CREBBP: variants seen among roughly 807,000 people sequenced by gnomAD.
CREBBP encodes CREB-binding protein.
Under a neutral mutation model 265.0 loss-of-function variants are expected in CREBBP, and 19 were observed. The observed-to-expected ratio is 0.07, with a 90% CI of 0.05 to 0.11. The LOEUF (loss-of-function observed/expected upper bound fraction) is 0.11. Among genes scored for constraint, CREBBP ranks in the 10% least tolerant of loss-of-function variants. The pLI is 1.00. For synonymous variants in CREBBP, 1,457 were observed against 1,223.7 expected (o/e 1.19, Z -3.98); for missense variants, 2,525 against 3,219.0 (o/e 0.78, Z 5.22).
chr16:3,874,166 C>T (rs1041587249), intron 1 of CREBBP, among the ~76,000 whole-genome samples: 3 of 152,142 alleles, frequency 2.0e-5, no homozygotes, highest in Non-Finnish European at 4.4e-5. Flanking sequence ...CTGATAAATT[C>T]GTCTGATTTT....
chr16:3,847,183 G>A (rs1004347819), intron 2 of CREBBP, among the ~76,000 whole-genome samples: 3 of 152,052 alleles, frequency 2.0e-5, no homozygotes, highest in Non-Finnish European at 2.9e-5. Context: ...GCCATCTAAG[G>A]TACACTGCCA....
chr16:3,731,620 G>T lies in CREBBP; in HGVS notation c.4891-147C>A. 2 of 1,399,052 alleles carry T rather than the reference G, an allele frequency of 1.4e-6. No individual in the cohort carries two copies. Among genetic ancestry groups the T allele is most frequent in the South Asian group, 1.2e-5 (1 of 85,636 alleles). 86.7% of individuals were successfully genotyped at this position (1,399,052 alleles called of 1,614,324 possible). ...TGCCTTGGGATGGAACAAAATTGGT[G>T]ACACGTTGCATGATGTCACCCAACT... On this transcript the variant is annotated intron_variant, in intron 29 of 30. Transcript: ENST00000262367. The surrounding 1 kb of genome is among the most constrained non-coding windows in gnomAD (Gnocchi z 7.7).
At chr16:3,818,299 TTTTC>T (rs1273125047) in intron 2 of CREBBP, among the ~76,000 whole-genome samples, 16 of 142,094 alleles carry the variant, frequency 1.1e-4, no homozygotes, top group Admixed American at 4.3e-4. Context: ...TTAGGTTTTC[TTTTC>T]TTTTTTTTTT....
At chr16:3,837,714 G>C (rs1413539970) in intron 2 of CREBBP, among the ~76,000 whole-genome samples, 1 of 151,802 alleles carries the variant, frequency 6.6e-6, no homozygotes, top group South Asian at 2.1e-4. Flanking sequence ...CCTGTACAAT[G>C]TGTTTAGTGT....
intron 26 of CREBBP, 60 bp from the exon 27 acceptor site, chr16:3,736,875 A>G (rs2151330535): frequency 6.2e-7 from 1 of 1,600,172 alleles, no homozygotes; most frequent in Admixed American, 1.7e-5. Flanking sequence ...CCTGCCTTTA[A>G]GGAGTTATAG....
intron 19 of CREBBP, among the ~76,000 whole-genome samples, chr16:3,752,715 A>C (rs893002279): frequency 1.3e-5 from 2 of 152,234 alleles, no homozygotes; most frequent in African/African-American, 2.4e-5. Flanking sequence ...ATCATTCATC[A>C]ATCTGAAAGA....
At chr16:3,797,165 C>G (rs2053624541) in intron 3 of CREBBP, among the ~76,000 whole-genome samples, 1 of 152,140 alleles carries the variant, frequency 6.6e-6, no homozygotes, top group African/African-American at 2.4e-5. Context: ...TTCGGAACCT[C>G]CCTTTAAAGC....
intron 28 of CREBBP, 79 bp from the exon 29 acceptor site, chr16:3,732,016 G>A (rs916034059): frequency 1.6e-5 from 25 of 1,611,064 alleles, no homozygotes; most frequent in Non-Finnish European, 2.0e-5. Flanking sequence ...CCAGGCCGTG[G>A]GCATCAGGAA....
At chr16:3,831,559 T>C (rs1262026174) in intron 2 of CREBBP, among the ~76,000 whole-genome samples, 7 of 151,606 alleles carry the variant, frequency 4.6e-5, no homozygotes, top group East Asian at 1.9e-4. Context: ...ATAAATGACA[T>C]AGAAAACAAA....
Position 3,727,645 on chromosome 16 carries a change from G to C in CREBBP, c.*73C>G. On this transcript the variant is annotated 3_prime_UTR_variant, in exon 31 of 31. Coordinates refer to ENST00000262367, the MANE Select transcript of CREBBP (RefSeq NM_004380.3). ...TCGCAGTTCCATCTAGGAATAAAAA[G>C]AACCTAGATGCCTGGATTTTCAGTA... The C allele has an allele frequency of 6.2e-7, 1 of 1,612,570 alleles. No individual in the cohort carries two copies. Among genetic ancestry groups the C allele is most frequent in the South Asian group, 1.1e-5 (1 of 90,862 alleles).
chr16:3,782,905 C>G lies in CREBBP; in HGVS notation c.1352G>C (p.Ser451Thr). 1.2e-6 allele frequency: 2 copies of G among 1,614,198 alleles called. No homozygotes were observed. The highest frequency in any genetic ancestry group is 2.7e-5 in the African/African-American group (2 of 75,030). The part of the protein sequence containing the change: ...NQQTILGSPA[S>T]GIQNTIGSVG... ...AGAACCAATTGTGTTTTGAATTCCA[C>G]TAGCTGGAGACCCCAGGATGGCTAT... is the stretch of plus-strand genomic sequence containing the variant. Residue 451 changes from serine (S) to threonine (T), a missense_variant, in exon 6 of 31, where the codon AGT (serine) becomes ACT (threonine). By Grantham distance (58) the Ser-to-Thr change is moderately conservative. Coordinates refer to ENST00000262367, the MANE Select transcript of CREBBP (RefSeq NM_004380.3).
At position 3,775,090 on chromosome 16, in the gene CREBBP, G is replaced by C. The variant is rs967951125; in HGVS notation, c.2159-397C>G. Among the ~76,000 whole-genome samples the C allele has an allele frequency of 1.6e-4, 24 of 152,170 alleles. 1 individual carries two copies. Among genetic ancestry groups the C allele is most frequent in the African/African-American group, 5.8e-4 (24 of 41,436 alleles). On this transcript the variant is annotated intron_variant, in intron 11 of 30. Coordinates refer to ENST00000262367, the MANE Select transcript of CREBBP (RefSeq NM_004380.3). Reference sequence around the variant, plus strand: ...GACAGCACCCTCACAAGCTACAGAAGAGATGTTTCCAGAGACCAGGGCAAG... The same window carrying C: ...GACAGCACCCTCACAAGCTACAGAACAGATGTTTCCAGAGACCAGGGCAAG...
chr16:3,808,785 C>A (rs2053880828), intron 3 of CREBBP, among the ~76,000 whole-genome samples: 1 of 152,210 alleles, frequency 6.6e-6, no homozygotes, highest in Non-Finnish European at 1.5e-5. Flanking sequence ...AAAGCAAATG[C>A]TTTCACTATG....
At chr16:3,791,342 C>T (rs2053503043) in intron 5 of CREBBP, 2 of 154,830 alleles carry the variant, frequency 1.3e-5, no homozygotes, top group South Asian at 4.0e-4. Flanking sequence ...CCGAGGGCTA[C>T]AGACAACCTA....
chr16:3,851,771 G>A (rs1197689445), intron 1 of CREBBP, among the ~76,000 whole-genome samples: 2 of 149,934 alleles, frequency 1.3e-5, no homozygotes, highest in African/African-American at 4.9e-5. Context: ...GGAGAATGGC[G>A]TGAACCCGGG....
In CREBBP at chr16:3,728,831, C is replaced by T. The variant is rs760416798; in HGVS notation, c.6216G>A (p.Arg2072=). 2.5e-5 allele frequency: 40 copies of T among 1,613,390 alleles called. No homozygotes were observed. Among genetic ancestry groups the T allele is most frequent in the Non-Finnish European group, 3.1e-5 (37 of 1,179,994 alleles). Residue 2072 remains arginine (R), a synonymous_variant, in exon 31 of 31, where the codon CGG becomes CGA. Transcript: ENST00000262367. This position sits in a 1 kb window ranked among gnomAD's most constrained non-coding sequence, Gnocchi z 8.7. ...GAGGGGAGCTGGGCGACTTCAGGGTCCGCAGCAGGTCTTGCAGAGCGCTGG... is the reference window on the plus strand; with the variant it reads ...GAGGGGAGCTGGGCGACTTCAGGGTTCGCAGCAGGTCTTGCAGAGCGCTGG... ...ISPSALQDLL[R]TLKSPSSPQQ...
At chr16:3,767,461 A>C in intron 16 of CREBBP, 1 of 578,132 alleles carries the variant, frequency 1.7e-6, no homozygotes, top group South Asian at 2.1e-5. Flanking sequence ...TGCCAGCACC[A>C]TCAGAAGACA....
At chr16:3,757,172 C>G (rs2052606281) in intron 19 of CREBBP, 116 bp downstream of exon 19, 2 of 878,564 alleles carry the variant, frequency 2.3e-6, no homozygotes, top group Admixed American at 2.0e-5. Context: ...CCACACCCGG[C>G]CTGAAATTGG....
intron 16 of CREBBP, among the ~76,000 whole-genome samples, chr16:3,766,932 T>C (rs2052868031): frequency 6.6e-6 from 1 of 152,186 alleles, no homozygotes; most frequent in Non-Finnish European, 1.5e-5. Context: ...AGATTCACTG[T>C]ACTCCACACT....
Sources: gnomAD v4.1 joint callset for allele counts (sites outside exome capture counted in the v4.1 genomes callset) on GRCh38, gnomAD v4.1.1 for gene constraint, Gnocchi (gnomAD v3.1) non-coding constraint, MANE v1.5 for transcripts, NCBI Gene and HGNC (gene_info 2026-07-23, HGNC 2026-07-21) for gene names.